DNAAF4: variants seen among roughly 807,000 people sequenced by gnomAD.
DNAAF4 encodes dynein axonemal assembly factor 4.
In DNAAF4, 43 loss-of-function variants were observed where a neutral mutation model predicts 51.8. That is an observed-to-expected ratio of 0.83 (90% CI 0.65 to 1.07). DNAAF4 has a LOEUF of 1.07. Among genes scored for constraint, DNAAF4 ranks in the 50% least tolerant of loss-of-function variants. The probability of loss-of-function intolerance (pLI) is 0.00; values close to 1 mark genes in which losing one functional copy is unlikely to be tolerated. For synonymous variants in DNAAF4, 194 were observed against 165.6 expected (o/e 1.17, Z -1.32); for missense variants, 581 against 493.0 (o/e 1.18, Z -1.69).
intron 4 of DNAAF4, among the ~76,000 whole-genome samples, chr15:55,481,971 A>G (rs1420244447): frequency 6.6e-6 from 1 of 152,196 alleles, no homozygotes; most frequent in Admixed American, 6.5e-5. Context: ...TCTAAACGGT[A>G]CCCAGGAATG....
intron 4 of DNAAF4, among the ~76,000 whole-genome samples, chr15:55,483,941 C>T (rs770288915): frequency 7.4e-6 from 1 of 136,028 alleles, no homozygotes; most frequent in African/African-American, 2.8e-5. Flanking sequence ...GTTATACTTA[C>T]CAATATCTCA....
chr15:55,421,412 A>G (rs1211836083), intron 7 of DNAAF4, among the ~76,000 whole-genome samples: 3 of 151,802 alleles, frequency 2.0e-5, no homozygotes, highest in African/African-American at 7.3e-5. Context: ...CTGAGGCACA[A>G]GAATCTCTTT....
intron 4 of DNAAF4, among the ~76,000 whole-genome samples, chr15:55,483,336 C>G (rs762093301): frequency 1.9e-4 from 29 of 151,604 alleles, no homozygotes; most frequent in Non-Finnish European, 2.9e-4. Flanking sequence ...ACCTTGTGAT[C>G]CGCCCCCCTC....
intron 7 of DNAAF4, among the ~76,000 whole-genome samples, chr15:55,420,815 T>C (rs935592500): frequency 2.0e-5 from 3 of 152,152 alleles, no homozygotes; most frequent in Non-Finnish European, 4.4e-5. Context: ...TTTACCTTTT[T>C]ATATGTAGAA....
Position 55,466,951 on chromosome 15 carries a change from A to T in DNAAF4, c.616T>A (p.Ser206Thr). ...TTACCTTTTGGAGCAAGATTTCTAGATGCCAAATTTCTAGTAAGACTCTTA... is the reference window on the plus strand; with the variant it reads ...TTACCTTTTGGAGCAAGATTTCTAGTTGCCAAATTTCTAGTAAGACTCTTA... ...KYKSLTRNLA[S>T]RNLAPKGRNS... Residue 206 changes from serine (S) to threonine (T), a missense_variant, in exon 5 of 10, where the codon TCT (serine) becomes ACT (threonine). Coordinates refer to ENST00000321149, the MANE Select transcript of DNAAF4 (RefSeq NM_130810.4). The T allele has an allele frequency of 6.3e-7, 1 of 1,583,946 alleles. No individual in the cohort carries two copies. The highest frequency in any genetic ancestry group is 8.5e-7 in the Non-Finnish European group (1 of 1,172,928).
intron 7 of DNAAF4, among the ~76,000 whole-genome samples, chr15:55,437,881 A>AG (rs531270342): frequency 6.6e-6 from 1 of 152,252 alleles, no homozygotes; most frequent in Non-Finnish European, 1.5e-5. Context: ...TCTGAATTAC[A>AG]GAACTATAAG....
Position 55,434,954 on chromosome 15 carries a change from C to G in DNAAF4, c.998G>C (p.Cys333Ser). 6.2e-7 allele frequency: 1 copy of G among 1,612,590 alleles called. No homozygotes were observed. Among genetic ancestry groups the G allele is most frequent in the Non-Finnish European group, 8.5e-7 (1 of 1,179,648 alleles). Residue 333 changes from cysteine (C) to serine (S), a missense_variant, in exon 8 of 10, where the codon TGC becomes TCC. Physicochemically the swap from Cys to Ser is moderately radical, Grantham distance 112 (BLOSUM62 -1). Coordinates refer to ENST00000321149, the MANE Select transcript of DNAAF4 (RefSeq NM_130810.4). ...GTGTAAGTTTTTTAGTTTTAGGTGG[C>G]AAGCAGCCCGGTTCAAATACAATAG... ...MPLLYLNRAA[C>S]HLKLKNLHKA...
chr15:55,456,797 T>G (rs550409256), intron 5 of DNAAF4, among the ~76,000 whole-genome samples: 1 of 152,036 alleles, frequency 6.6e-6, no homozygotes, highest in Non-Finnish European at 1.5e-5. Flanking sequence ...TGAGCTGAAA[T>G]AGATTTAGGT....
chr15:55,465,119 T>C (rs1004057116), intron 5 of DNAAF4, among the ~76,000 whole-genome samples: 4 of 151,766 alleles, frequency 2.6e-5, no homozygotes, highest in African/African-American at 9.7e-5. Context: ...TTGGTGTAGA[T>C]GTGGTGAAAA....
intron 7 of DNAAF4, among the ~76,000 whole-genome samples, chr15:55,423,680 C>T (rs766664946): frequency 6.6e-6 from 1 of 152,162 alleles, no homozygotes; most frequent in African/African-American, 2.4e-5. Context: ...AAAGCCAGCG[C>T]GGTGGCTCAC....
chr15:55,483,664 C>T (rs952483421), intron 4 of DNAAF4, among the ~76,000 whole-genome samples: 10 of 151,676 alleles, frequency 6.6e-5, no homozygotes, highest in African/African-American at 1.2e-4. Flanking sequence ...CCTCAGCCTC[C>T]GGAGTAGCTG....
At position 55,449,415 on chromosome 15, in the gene DNAAF4, C is replaced by T. The variant is rs572517028; in HGVS notation, c.783+807G>A. On this transcript the variant is annotated intron_variant, in intron 6 of 9. Transcript: ENST00000321149. Reference sequence around the variant, plus strand: ...CGGTGGCTCATGCCTATAATCCCAGCACATTGGGAGGCCGAGCAGGGTGGA... The same window carrying T: ...CGGTGGCTCATGCCTATAATCCCAGTACATTGGGAGGCCGAGCAGGGTGGA... Among the ~76,000 whole-genome samples the T allele has an allele frequency of 2.0e-5, 3 of 151,378 alleles. No individual in the cohort carries two copies. In the South Asian group the frequency reaches 6.3e-4, roughly 32 times the overall value.
intron 7 of DNAAF4, among the ~76,000 whole-genome samples, chr15:55,421,025 C>T (rs1329445709): frequency 6.6e-6 from 1 of 151,782 alleles, no homozygotes; most frequent in African/African-American, 2.4e-5. Context: ...CCCGTCTCTA[C>T]TAAAAATACA....
intron 6 of DNAAF4, among the ~76,000 whole-genome samples, chr15:55,444,402 T>C (rs1285320302): frequency 6.6e-6 from 1 of 152,234 alleles, no homozygotes; most frequent in African/African-American, 2.4e-5. Context: ...CATTGGTCTA[T>C]ATCTCTGTTT....
chr15:55,486,043 G>A (rs947561485), intron 4 of DNAAF4, among the ~76,000 whole-genome samples: 2 of 148,306 alleles, frequency 1.3e-5, no homozygotes, highest in Admixed American at 1.3e-4. Flanking sequence ...GATTAGCGAA[G>A]AGGAAAAAAA....
At chr15:55,473,600 G>A (rs1278992929) in intron 4 of DNAAF4, among the ~76,000 whole-genome samples, 1 of 151,896 alleles carries the variant, frequency 6.6e-6, no homozygotes. Flanking sequence ...TGATGTCAGT[G>A]TATGCCAAAA....
At chr15:55,483,699 C>T in intron 4 of DNAAF4, among the ~76,000 whole-genome samples, 1 of 151,556 alleles carries the variant, frequency 6.6e-6, no homozygotes, top group African/African-American at 2.4e-5. Flanking sequence ...CACCACCACA[C>T]ACGGCTAATT....
intron 6 of DNAAF4, among the ~76,000 whole-genome samples, chr15:55,444,955 A>T (rs918379768): frequency 2.3e-4 from 35 of 149,036 alleles, no homozygotes; most frequent in African/African-American, 8.1e-4. Context: ...GGCTGAGACG[A>T]TGGGGTTTTC....
At chr15:55,446,199 G>A (rs1371469461) in intron 6 of DNAAF4, among the ~76,000 whole-genome samples, 2 of 142,694 alleles carry the variant, frequency 1.4e-5, no homozygotes, top group East Asian at 2.2e-4. Flanking sequence ...GCCGGGCAGA[G>A]GCGCTCCCCA....
Sources: gnomAD v4.1 joint callset for allele counts (sites outside exome capture counted in the v4.1 genomes callset) on GRCh38, gnomAD v4.1.1 for gene constraint, MANE v1.5 for transcripts, NCBI Gene and HGNC (gene_info 2026-07-23, HGNC 2026-07-21) for gene names.